TBCD: variants seen among roughly 807,000 people sequenced by gnomAD.
The protein encoded by TBCD is tubulin-specific chaperone D.
TBCD carries 105 observed loss-of-function variants against 169.3 expected under a neutral mutation model. The ratio of observed to expected loss-of-function variants is 0.62; its 90% CI spans 0.53 to 0.73. The LOEUF is 0.73. Ranked by LOEUF, TBCD falls within the 30% of genes least tolerant of loss-of-function variation. The pLI is 0.00. For missense variants in TBCD, 1,444 were observed against 1,600.1 expected, an observed-to-expected ratio of 0.90 and a Z score of 1.66; for synonymous variants, 700 against 643.9, an observed-to-expected ratio of 1.09 and a Z score of -1.32.
At chr17:82,756,115 G>A in intron 1 of TBCD, 50 bp from the exon 2 acceptor site, 2 of 1,512,210 alleles carry the variant, frequency 1.3e-6, no homozygotes, top group Non-Finnish European at 1.8e-6. Flanking sequence ...GAGGCTCATG[G>A]GTATGTTTGG....
At chr17:82,927,360 A>G in intron 29 of TBCD, 37 bp downstream of exon 29, 1 of 1,602,762 alleles carries the variant, frequency 6.2e-7, no homozygotes, top group Non-Finnish European at 8.5e-7. Context: ...TTCTTCTGAG[A>G]AGCCCATCTA....
chr17:82,930,871 G>A lies in TBCD; in HGVS notation c.3113+228G>A, dbSNP rs2062142736. Among the ~76,000 whole-genome samples, 1 of 152,332 alleles carries A rather than the reference G, an allele frequency of 6.6e-6. No individual in the cohort carries two copies. Among genetic ancestry groups the A allele is most frequent in the Non-Finnish European group, 1.5e-5 (1 of 68,034 alleles). On this transcript the variant is annotated intron_variant, in intron 33 of 38. Transcript: ENST00000355528. This position sits in a 1 kb window ranked among gnomAD's most constrained non-coding sequence, Gnocchi z 5.2. ...CCTCCTCTTCTAGCCTCCACATGAGGCAGGGAAATGACCGTTGTGTGTACA... is the reference window on the plus strand; with the variant it reads ...CCTCCTCTTCTAGCCTCCACATGAGACAGGGAAATGACCGTTGTGTGTACA...
At chr17:82,797,864 T>A in intron 8 of TBCD, 62 bp downstream of exon 8, 1 of 1,296,808 alleles carries the variant, frequency 7.7e-7, no homozygotes, top group South Asian at 1.4e-5. Context: ...TACAATCAAG[T>A]GTCTTTCCTT....
rs372414914 is a variant in TBCD at position 82,930,093 on chromosome 17, G to A, written c.2992-429G>A. 10 of 250,262 alleles carry A rather than the reference G, an allele frequency of 4.0e-5. No homozygotes were observed. Among genetic ancestry groups the A allele is most frequent in the Non-Finnish European group, 5.5e-5 (7 of 127,696 alleles). 15.5% of individuals were successfully genotyped at this position (250,262 alleles called of 1,614,324 possible). A position where few individuals can be genotyped will look rare whatever the true frequency, so the allele number is the denominator to read the frequency against. On this transcript the variant is annotated intron_variant, in intron 32 of 38. Transcript: ENST00000355528. This position sits in a 1 kb window ranked among gnomAD's most constrained non-coding sequence, Gnocchi z 5.2. ...CGTGTGGGCGCGTGCGGGGAGACCC[G>A]GGCCCCAGGACGTGAGGTGCCCTCT... is the stretch of plus-strand genomic sequence containing the variant.
intron 6 of TBCD, among the ~76,000 whole-genome samples, chr17:82,777,841 C>G (rs1282688712): frequency 7.5e-6 from 1 of 132,518 alleles, no homozygotes; most frequent in Non-Finnish European, 1.7e-5. Flanking sequence ...CTAAACTCCC[C>G]CGGGGAAAGG....
intron 13 of TBCD, among the ~76,000 whole-genome samples, chr17:82,839,239 C>A (rs2054249812): frequency 6.6e-6 from 1 of 152,208 alleles, no homozygotes; most frequent in Non-Finnish European, 1.5e-5. Context: ...CTAAATTCAG[C>A]TGTGTCTAAT....
chr17:82,887,163 G>A (rs2058782256), intron 15 of TBCD, among the ~76,000 whole-genome samples: 1 of 107,156 alleles, frequency 9.3e-6, no homozygotes. Flanking sequence ...GTGTGTGTGT[G>A]TGTGTGCGCG....
chr17:82,791,123 G>T (rs574733159), intron 7 of TBCD, among the ~76,000 whole-genome samples: 2 of 130,790 alleles, frequency 1.5e-5, no homozygotes, highest in East Asian at 2.2e-4. Context: ...ACGGAGTCTC[G>T]CTCTGTTGCC....
rs555883390 is a variant in TBCD at position 82,920,722 on chromosome 17, T to C, written c.2101+104T>C. On this transcript the variant is annotated intron_variant, in intron 24 of 38. Coordinates refer to ENST00000355528, the MANE Select transcript of TBCD (RefSeq NM_005993.5). The surrounding 1 kb of genome is among the most constrained non-coding windows in gnomAD (Gnocchi z 4.1). Reference sequence around the variant, plus strand: ...ATGGGGGCGATAAACGATTATAGCTTAAAGGTTCAAGATATTAATCGGATA... The same window carrying C: ...ATGGGGGCGATAAACGATTATAGCTCAAAGGTTCAAGATATTAATCGGATA... 154 of 1,038,134 alleles carry C rather than the reference T, an allele frequency of 1.5e-4. No homozygotes were observed. In the African/African-American group the frequency reaches 2.0e-3, roughly 14 times the overall value. The allele number at this position is 1,038,134 out of a possible 1,614,324, so 64.3% of individuals were successfully genotyped here.
chr17:82,837,932 T>G (rs1271140583), intron 13 of TBCD, among the ~76,000 whole-genome samples: 1 of 152,232 alleles, frequency 6.6e-6, no homozygotes, highest in Non-Finnish European at 1.5e-5. Flanking sequence ...TGCAGTGGCT[T>G]CAAACATGCT....
intron 23 of TBCD, chr17:82,918,555 T>A (rs1248363146): frequency 6.6e-6 from 1 of 152,184 alleles, no homozygotes. Flanking sequence ...TGGGGCTATT[T>A]CTATCTGTTG....
chr17:82,773,447 C>A (rs2048402535), intron 6 of TBCD, among the ~76,000 whole-genome samples: 1 of 152,156 alleles, frequency 6.6e-6, no homozygotes, highest in African/African-American at 2.4e-5. Flanking sequence ...AGATGATCGT[C>A]TAATTATTAA....
intron 13 of TBCD, among the ~76,000 whole-genome samples, chr17:82,828,936 G>GCATGC (rs2053211731): frequency 6.7e-6 from 1 of 149,874 alleles, no homozygotes; most frequent in Non-Finnish European, 1.5e-5. Context: ...AGTCGAGTGT[G>GCATGC]CATGCCCCCC....
In TBCD at chr17:82,920,677, G is replaced by A; in HGVS notation, c.2101+59G>A. 7.1e-7 allele frequency: 1 copy of A among 1,415,482 alleles called. No individual in the cohort carries two copies. Among genetic ancestry groups the A allele is most frequent in the Non-Finnish European group, 9.6e-7 (1 of 1,038,154 alleles). The allele number at this position is 1,415,482 out of a possible 1,614,324, so 87.7% of individuals were successfully genotyped here. On this transcript the variant is annotated intron_variant, in intron 24 of 38. Coordinates refer to ENST00000355528, the MANE Select transcript of TBCD (RefSeq NM_005993.5). The surrounding 1 kb of genome is among the most constrained non-coding windows in gnomAD (Gnocchi z 4.1). ...TTACAGAATGACTTCAGATTAAAAGGTAAAAATGAACCTGTTAGGATGGGG... is the reference window on the plus strand; with the variant it reads ...TTACAGAATGACTTCAGATTAAAAGATAAAAATGAACCTGTTAGGATGGGG...
intron 17 of TBCD, among the ~76,000 whole-genome samples, chr17:82,897,656 C>G (rs939262): frequency 0.51 from 78,047 of 152,134 alleles, 21,189 homozygotes; most frequent in East Asian, 0.74. Context: ...TGAATGACCA[C>G]CACTGTGGTC....
intron 37 of TBCD, among the ~76,000 whole-genome samples, chr17:82,940,664 G>A (rs959168726): frequency 6.6e-6 from 1 of 152,198 alleles, no homozygotes; most frequent in African/African-American, 2.4e-5. Flanking sequence ...TCCCAGGAGA[G>A]GAACCGGGAG....
chr17:82,826,319 C>A (rs1239943689), intron 13 of TBCD, among the ~76,000 whole-genome samples: 1 of 151,640 alleles, frequency 6.6e-6, no homozygotes, highest in African/African-American at 2.4e-5. Context: ...ATTATGAGTA[C>A]AGAGTTGACC....
chr17:82,938,293 C>T (rs2062807951), intron 36 of TBCD, among the ~76,000 whole-genome samples, 157 bp downstream of exon 36: 2 of 152,238 alleles, frequency 1.3e-5, no homozygotes, highest in Admixed American at 1.3e-4. Flanking sequence ...CACGCGGCTG[C>T]CAAGGGGCTC....
intron 13 of TBCD, among the ~76,000 whole-genome samples, chr17:82,823,354 C>A (rs1185718418): frequency 1.3e-5 from 2 of 152,200 alleles, no homozygotes; most frequent in Non-Finnish European, 2.9e-5. Context: ...CAGTTCCCCG[C>A]CTGTTTTTGT....
Sources: allele counts gnomAD v4.1 joint callset (sites outside exome capture counted in the v4.1 genomes callset), GRCh38; gene constraint gnomAD v4.1.1; non-coding constraint Gnocchi (gnomAD v3.1); transcripts MANE v1.5; gene names NCBI Gene and HGNC (gene_info 2026-07-23, HGNC 2026-07-21).